The following NFRKB variants were observed in gnomAD, a reference collection of about 807,000 sequenced individuals.
NFRKB encodes the protein nuclear factor related to kappaB binding protein, also known as nuclear factor related to kappa-B-binding protein.
In NFRKB, 62 loss-of-function variants were observed where a neutral mutation model predicts 135.7. That is an observed-to-expected ratio of 0.46 (90% CI 0.37 to 0.56). The LOEUF is 0.56. Ranked by LOEUF, NFRKB falls within the 20% of genes least tolerant of loss-of-function variation. The probability of loss-of-function intolerance (pLI) is 0.00; values close to 1 mark genes in which losing one functional copy is unlikely to be tolerated. For missense variants in NFRKB, 1,545 were observed against 1,662.0 expected (o/e 0.93, Z 1.22); for synonymous variants, 678 against 635.6 (o/e 1.07, Z -1.00).
At position 129,870,340 on chromosome 11, in the gene NFRKB, T is replaced by C. The variant is rs1948442740; in HGVS notation, c.2764-79A>G. The C allele has an allele frequency of 4.1e-6, 6 of 1,460,830 alleles. No individual in the cohort carries two copies. In the South Asian group the frequency reaches 8.0e-5, roughly 19 times the overall value. The allele number at this position is 1,460,830 out of a possible 1,614,324, so 90.5% of individuals were successfully genotyped here. On this transcript the variant is annotated intron_variant, in intron 23 of 26. Transcript: ENST00000682444. Reference sequence around the variant, plus strand: ...AAAATACAACTAGACAAACTTCCGTTTCATGGGTAGATGTTTTGTATTTTT... The same window carrying C: ...AAAATACAACTAGACAAACTTCCGTCTCATGGGTAGATGTTTTGTATTTTT...
At chr11:129,886,049 C>T (rs1949262392) in intron 5 of NFRKB, among the ~76,000 whole-genome samples, 1 of 152,168 alleles carries the variant, frequency 6.6e-6, no homozygotes, top group South Asian at 2.1e-4. Context: ...ATGATAGATC[C>T]AAAATCCATC....
At chr11:129,886,193 C>T (rs1949268248) in intron 5 of NFRKB, 124 bp downstream of exon 5, 1 of 1,069,734 alleles carries the variant, frequency 9.3e-7, no homozygotes, top group East Asian at 2.4e-5. Flanking sequence ...TTAACTGTGT[C>T]ACAGATTAAT....
chr11:129,886,513 T>C (rs967824742), intron 4 of NFRKB, 69 bp from the exon 5 acceptor site: 6 of 1,392,212 alleles, frequency 4.3e-6, no homozygotes, highest in Non-Finnish European at 6.1e-6. Context: ...ACAAATATAT[T>C]GAATGAGTGC....
chr11:129,884,008 G>T, intron 8 of NFRKB, 62 bp downstream of exon 8: 1 of 1,559,754 alleles, frequency 6.4e-7, no homozygotes, highest in Non-Finnish European at 8.8e-7. Flanking sequence ...GTCTTCCTCA[G>T]GACAGCCAAT....
intron 13 of NFRKB, among the ~76,000 whole-genome samples, chr11:129,879,670 T>C (rs1948937469): frequency 6.6e-6 from 1 of 152,192 alleles, no homozygotes; most frequent in African/African-American, 2.4e-5. Context: ...AGTCAACCCC[T>C]GCCCCCGCAC....
chr11:129,887,186 A>C (rs760783831), intron 4 of NFRKB, among the ~76,000 whole-genome samples: 2 of 152,186 alleles, frequency 1.3e-5, no homozygotes, highest in Non-Finnish European at 2.9e-5. Context: ...TAACTTAAAG[A>C]GTGGCCCAAA....
At chr11:129,872,061 G>A (rs1387948120) in intron 23 of NFRKB, among the ~76,000 whole-genome samples, 2 of 152,046 alleles carry the variant, frequency 1.3e-5, no homozygotes, top group East Asian at 1.9e-4. Context: ...TTCATGGCAC[G>A]CTTTCTTTCA....
intron 4 of NFRKB, 177 bp downstream of exon 4, chr11:129,888,417 C>T (rs752348572): frequency 2.9e-4 from 206 of 710,076 alleles, no homozygotes; most frequent in Non-Finnish European, 4.5e-4. Context: ...TAAGTCAATA[C>T]ATTTTTGTTT....
At chr11:129,890,630 T>C (rs1255025266) in intron 3 of NFRKB, among the ~76,000 whole-genome samples, 1 of 152,234 alleles carries the variant, frequency 6.6e-6, no homozygotes, top group Non-Finnish European at 1.5e-5. Context: ...TCCACACCTG[T>C]ATGTTCAAAA....
At chr11:129,886,972 G>C (rs1041567686) in intron 4 of NFRKB, among the ~76,000 whole-genome samples, 12 of 152,148 alleles carry the variant, frequency 7.9e-5, no homozygotes, top group African/African-American at 2.9e-4. Flanking sequence ...CCAAAGAAGG[G>C]AATGTTCATT....
At position 129,872,901 on chromosome 11, in the gene NFRKB, G is replaced by C; in HGVS notation, c.2746C>G (p.Gln916Glu). 6.2e-7 allele frequency: 1 copy of C among 1,611,674 alleles called. No individual in the cohort carries two copies. Among genetic ancestry groups the C allele is most frequent in the Non-Finnish European group, 8.5e-7 (1 of 1,178,336 alleles). The change falls in exon 23 of 27, where the codon CAG becomes GAG. Residue 916 changes from glutamine (Q) to glutamate (E), a missense_variant. By Grantham distance (29) the Gln-to-Glu change is conservative. This residue lies in a region of NFRKB where 753 missense variants were observed against 804.3 expected (regional missense o/e 0.94). Transcript: ENST00000682444. Reference sequence around the variant, plus strand: ...CCACCTACCTGCTTGATGATGTTCTGTCCTGTGACATTTTGAATGACGGCA... The same window carrying C: ...CCACCTACCTGCTTGATGATGTTCTCTCCTGTGACATTTTGAATGACGGCA... ...TAAVIQNVTGQNIIKQVAITG... is the reference protein window; with the variant it reads ...TAAVIQNVTGENIIKQVAITG...
At chr11:129,866,451 C>T (rs1339838319) in intron 24 of NFRKB, among the ~76,000 whole-genome samples, 1 of 151,776 alleles carries the variant, frequency 6.6e-6, no homozygotes, top group Non-Finnish European at 1.5e-5. Context: ...CGCACAACTA[C>T]TCATTGGAGT....
intron 1 of NFRKB, 30 bp from the exon 2 acceptor site, chr11:129,894,468 AG>A (rs1279189129): frequency 1.4e-4 from 22 of 152,364 alleles, no homozygotes; most frequent in Admixed American, 1.2e-3. Context: ...GATGAGTGAC[AG>A]TGTGAATTAC....
intron 13 of NFRKB, among the ~76,000 whole-genome samples, chr11:129,879,405 G>T (rs916203706): frequency 2.0e-5 from 3 of 152,162 alleles, no homozygotes; most frequent in African/African-American, 7.2e-5. Context: ...CAGCCTGACA[G>T]ATGGGGGGAG....
Position 129,869,875 on chromosome 11 carries a change from T to C in NFRKB, c.3150A>G (p.Pro1050=), listed in dbSNP as rs1179161681. 6.2e-7 allele frequency: 1 copy of C among 1,614,264 alleles called. No homozygotes were observed. The highest frequency in any genetic ancestry group is 1.3e-5 in the African/African-American group (1 of 75,074). The stretch of plus-strand genomic sequence containing the variant: ...GAAAAGCCGAACTTGAGGCTTCTGT[T>C]GGCTTGAGGTCAGGAGTCACTTTGA... ...TVVKVTPDLK[P]TEASSSAFRL... The change falls in exon 24 of 27, where the codon CCA becomes CCG. Residue 1050 remains proline (P), a synonymous_variant. Coordinates refer to ENST00000682444, the MANE Select transcript of NFRKB (RefSeq NM_001143835.2).
chr11:129,892,399 A>G (rs1259006876), intron 3 of NFRKB, among the ~76,000 whole-genome samples: 1 of 152,260 alleles, frequency 6.6e-6, no homozygotes, highest in Non-Finnish European at 1.5e-5. Flanking sequence ...TTTATGGCTG[A>G]GTAGTATTCC....
rs565177226 is a variant in NFRKB, at chr11:129,874,974, T to C, written c.1855-58A>G. ...GTCAAGCTTAGATAACAGAAGTTAT[T>C]TGAACTCTAGGAAAAAAATGTCATT... On this transcript the variant is annotated intron_variant, in intron 18 of 26. Coordinates refer to ENST00000682444, the MANE Select transcript of NFRKB (RefSeq NM_001143835.2). This position sits in a 1 kb window ranked among gnomAD's most constrained non-coding sequence, Gnocchi z 4.5. 1.7e-5 allele frequency: 27 copies of C among 1,603,276 alleles called. No homozygotes were observed. Among genetic ancestry groups the C allele is most frequent in the South Asian group, 1.7e-4 (15 of 90,714 alleles).
chr11:129,870,155 G>C lies in NFRKB; in HGVS notation c.2870C>G (p.Pro957Arg). Residue 957 changes from proline to arginine, a missense_variant, in exon 24 of 27, where the codon CCC becomes CGC. By Grantham distance (103) the Pro-to-Arg change is moderately radical. Around this residue, in one of 3 missense-constraint regions of NFRKB, gnomAD observed 753 missense variants for 804.3 expected, o/e 0.94. Transcript: ENST00000682444. The stretch of plus-strand genomic sequence containing the variant: ...CTTGGCATCTGTGGTGATGGAAGAG[G>C]GCGGCAGACGCAATACATCCTTACC... ...IQGKDVLRLP[P>R]SSITTDAKGQ... The C allele has an allele frequency of 6.2e-7, 1 of 1,614,224 alleles. No homozygotes were observed.
chr11:129,888,467 C>T (rs752933552), intron 4 of NFRKB, 127 bp downstream of exon 4: 10 of 974,488 alleles, frequency 1.0e-5, no homozygotes, highest in South Asian at 6.7e-5. Flanking sequence ...TACACAAAAC[C>T]GCTCTTTGCT....
Sources: gnomAD v4.1 joint callset for allele counts (sites outside exome capture counted in the v4.1 genomes callset) on GRCh38, gnomAD v4.1.1 for gene constraint, gnomAD v4.1.1 regional missense constraint, Gnocchi (gnomAD v3.1) non-coding constraint, MANE v1.5 for transcripts, NCBI Gene and HGNC (gene_info 2026-07-23, HGNC 2026-07-21) for gene names.